Variants in CACNA2D3 observed in about 807,000 individuals in gnomAD.
The protein encoded by CACNA2D3 is voltage-dependent calcium channel subunit alpha-2/delta-3.
CACNA2D3 carries 60 observed loss-of-function variants against 160.6 expected under a neutral mutation model. The ratio of observed to expected loss-of-function variants is 0.37; its 90% confidence interval spans 0.30 to 0.46. The LOEUF is 0.46. CACNA2D3 is among the 20% of genes least tolerant of loss of function. The probability of loss-of-function intolerance (pLI) is 1.00; values close to 1 mark genes in which losing one functional copy is unlikely to be tolerated. For synonymous variants in CACNA2D3, 558 were observed against 492.9 expected (o/e 1.13, Z -1.75); for missense variants, 1,205 against 1,365.0 (o/e 0.88, Z 1.85).
chr3:54,269,909 A>G (rs62253193), intron 2 of CACNA2D3, among the ~76,000 whole-genome samples: 14,103 of 152,238 alleles, frequency 0.093, 888 homozygotes, highest in East Asian at 0.32. Flanking sequence ...AGACCTTAAT[A>G]CATGGTCTCT....
intron 14 of CACNA2D3, among the ~76,000 whole-genome samples, chr3:54,818,751 A>C (rs1180077451): frequency 6.6e-6 from 1 of 152,234 alleles, no homozygotes; most frequent in Non-Finnish European, 1.5e-5. Context: ...GCCCTATGTG[A>C]AAAGGAATAG....
chr3:54,460,067 A>C (rs1700471739), intron 4 of CACNA2D3, among the ~76,000 whole-genome samples: 1 of 151,934 alleles, frequency 6.6e-6, no homozygotes, highest in African/African-American at 2.4e-5. Context: ...CAGGTTTGTC[A>C]AAGATCAGAT....
chr3:54,821,303 A>G (rs1703585343), intron 14 of CACNA2D3, among the ~76,000 whole-genome samples: 1 of 152,220 alleles, frequency 6.6e-6, no homozygotes, highest in African/African-American at 2.4e-5. Context: ...CAGTATGGCA[A>G]AATGATCCCT....
chr3:54,728,528 T>TA (rs1701320254), intron 11 of CACNA2D3, among the ~76,000 whole-genome samples: 1 of 152,226 alleles, frequency 6.6e-6, no homozygotes, highest in Non-Finnish European at 1.5e-5. Context: ...GTAAGTCTAT[T>TA]ATCTCTTTCC....
intron 13 of CACNA2D3, among the ~76,000 whole-genome samples, chr3:54,780,194 G>A (rs1054925287): frequency 2.0e-5 from 3 of 152,216 alleles, no homozygotes; most frequent in Admixed American, 1.3e-4. Context: ...AAATGCATGT[G>A]TCATATTTGT....
chr3:54,266,739 A>G (rs1181315431), intron 2 of CACNA2D3, among the ~76,000 whole-genome samples: 4 of 152,096 alleles, frequency 2.6e-5, no homozygotes, highest in African/African-American at 7.2e-5. Flanking sequence ...TTAGATTCCA[A>G]TTTGGGTGTC....
At chr3:54,562,659 T>A (rs993033377) in intron 5 of CACNA2D3, 141 bp from the exon 6 acceptor site, 68 of 659,394 alleles carry the variant, frequency 1.0e-4, no homozygotes, top group Non-Finnish European at 1.5e-4. Context: ...AGCTAAACGT[T>A]TTTGTGGCTA....
rs147056089 is a variant in CACNA2D3 at position 54,137,492 on chromosome 3, T to C, written c.204+13898T>C. Among the ~76,000 whole-genome samples, 25 of 152,316 alleles carry C rather than the reference T, an allele frequency of 1.6e-4. No homozygotes were observed. The East Asian group carries it at 4.8e-3, about 29-fold the overall frequency. Reference sequence around the variant, plus strand: ...CCATCTGCTTCCTATAAAAGCCTGCTCCTAATCTCCCTGGTGCAAGAATTG... The same window carrying C: ...CCATCTGCTTCCTATAAAAGCCTGCCCCTAATCTCCCTGGTGCAAGAATTG... On this transcript the variant is annotated intron_variant, in intron 2 of 37. Coordinates refer to ENST00000474759, the MANE Select transcript of CACNA2D3 (RefSeq NM_018398.3).
chr3:54,423,459 C>T (rs1699867823), intron 4 of CACNA2D3, among the ~76,000 whole-genome samples: 1 of 152,190 alleles, frequency 6.6e-6, no homozygotes, highest in Non-Finnish European at 1.5e-5. Context: ...TTTGCACCCT[C>T]AGCCCCTAGT....
chr3:54,697,981 T>G (rs1336701105), intron 11 of CACNA2D3, among the ~76,000 whole-genome samples: 2 of 152,258 alleles, frequency 1.3e-5, no homozygotes, highest in Non-Finnish European at 2.9e-5. Flanking sequence ...ATATGTTACG[T>G]TAGCAACACT....
At chr3:54,543,670 C>T (rs1702018266) in intron 5 of CACNA2D3, among the ~76,000 whole-genome samples, 1 of 152,174 alleles carries the variant, frequency 6.6e-6, no homozygotes, top group African/African-American at 2.4e-5. Flanking sequence ...GTGGTCCTGT[C>T]AGGCTAGAGG....
chr3:54,801,842 A>C (rs537689748), intron 13 of CACNA2D3, among the ~76,000 whole-genome samples: 1 of 152,290 alleles, frequency 6.6e-6, no homozygotes, highest in African/African-American at 2.4e-5. Context: ...CCCAAACTAG[A>C]GATTGAGAAA....
intron 4 of CACNA2D3, among the ~76,000 whole-genome samples, chr3:54,459,812 A>G (rs1362261390): frequency 1.3e-5 from 2 of 152,056 alleles, no homozygotes; most frequent in African/African-American, 4.8e-5. Flanking sequence ...TTTTGTTGCT[A>G]TTGCTTTTGG....
At chr3:54,744,199 A>G (rs1435989060) in intron 11 of CACNA2D3, among the ~76,000 whole-genome samples, 2 of 152,250 alleles carry the variant, frequency 1.3e-5, no homozygotes, top group African/African-American at 4.8e-5. Context: ...CTGTCGCAGA[A>G]TGGGCATGTA....
At chr3:54,824,280 A>G (rs1703702514) in intron 14 of CACNA2D3, among the ~76,000 whole-genome samples, 1 of 152,236 alleles carries the variant, frequency 6.6e-6, no homozygotes, top group African/African-American at 2.4e-5. Context: ...TGATCTGAGC[A>G]TGGGAAATCC....
intron 2 of CACNA2D3, among the ~76,000 whole-genome samples, chr3:54,188,507 G>C (rs1197442649): frequency 6.6e-6 from 1 of 152,174 alleles, no homozygotes. Context: ...ACCAGCCTAG[G>C]CTACGACACC....
rs6810032 is a variant in CACNA2D3, at chr3:54,736,129, A to G, written c.1168-16470A>G. Among the ~76,000 whole-genome samples the G allele has an allele frequency of 1.6e-3, 102 of 62,860 alleles. 3 individuals are homozygous for G. Among genetic ancestry groups the G allele is most frequent in the African/African-American group, 5.9e-3 (96 of 16,264 alleles). The allele number at this position is 62,860 out of a possible 152,430, so 41.2% of individuals were successfully genotyped here. ...TATATGTATATATATACATATATAT[A>G]TGTATATATATACACACACACACAC... On this transcript the variant is annotated intron_variant, in intron 11 of 37. Coordinates refer to ENST00000474759, the MANE Select transcript of CACNA2D3 (RefSeq NM_018398.3).
chr3:54,706,195 A>G (rs1053932241), intron 11 of CACNA2D3, among the ~76,000 whole-genome samples: 1 of 152,206 alleles, frequency 6.6e-6, no homozygotes, highest in African/African-American at 2.4e-5. Context: ...ATCTTTTAAC[A>G]TAAGGAGATA....
At chr3:54,918,876 G>A in intron 27 of CACNA2D3, 1 of 1,546,754 alleles carries the variant, frequency 6.5e-7, no homozygotes, top group Admixed American at 2.0e-5. Flanking sequence ...CACAGATGAT[G>A]CCGTCTGTTA....
Sources: gnomAD v4.1 joint callset for allele counts (sites outside exome capture counted in the v4.1 genomes callset) on GRCh38, gnomAD v4.1.1 for gene constraint, MANE v1.5 for transcripts, NCBI Gene and HGNC (gene_info 2026-07-23, HGNC 2026-07-21) for gene names.